Variants in DNAH17 observed in about 807,000 individuals in gnomAD.
DNAH17 encodes the protein dynein axonemal heavy chain 17.
In DNAH17, 376 loss-of-function variants were observed where a neutral mutation model predicts 485.6. The observed-to-expected ratio is 0.77, with a 90% CI of 0.71 to 0.84. DNAH17 has a LOEUF of 0.84. DNAH17 is among the 40% of genes least tolerant of loss of function. The probability of loss-of-function intolerance (pLI) is 0.00; values close to 1 mark genes in which losing one functional copy is unlikely to be tolerated. For missense variants in DNAH17, 6,370 were observed against 5,839.3 expected (o/e 1.09, Z -2.96); for synonymous variants, 3,031 against 2,405.9 (o/e 1.26, Z -7.60).
chr17:78,542,125 C>CCA (rs1316531364), intron 17 of DNAH17, among the ~76,000 whole-genome samples: 6 of 148,186 alleles, frequency 4.0e-5, no homozygotes, highest in African/African-American at 1.3e-4. Flanking sequence ...CCGCCCCCCC[C>CCA]AAAAACTGCC....
At chr17:78,532,909 G>A in intron 19 of DNAH17, 173 bp from the exon 20 acceptor site, 1 of 705,914 alleles carries the variant, frequency 1.4e-6, no homozygotes. Flanking sequence ...TAGGCAACCT[G>A]GTGGTCCCCC....
At chr17:78,516,414 C>G (rs1239949330) in intron 25 of DNAH17, among the ~76,000 whole-genome samples, 1 of 152,142 alleles carries the variant, frequency 6.6e-6, no homozygotes, top group African/African-American at 2.4e-5. Flanking sequence ...AGGCCGGGTG[C>G]GGCGGCTCAC....
rs1354572538 is a variant in DNAH17, at chr17:78,501,783, C to T, written c.5281G>A (p.Val1761Met). 6.2e-7 allele frequency: 1 copy of T among 1,613,840 alleles called. No individual in the cohort carries two copies. The highest frequency in any genetic ancestry group is 1.3e-5 in the African/African-American group (1 of 74,940). The change falls in exon 34 of 81, where the codon GTG (valine) becomes ATG (methionine). Residue 1761 changes from valine to methionine, a missense_variant. Coordinates refer to ENST00000389840, the MANE Select transcript of DNAH17 (RefSeq NM_173628.4). ...MKIMTICTIDVHARDVVAKMI... is the reference protein window; with the variant it reads ...MKIMTICTIDMHARDVVAKMI... Reference sequence around the variant, plus strand: ...TTGGCCACCACGTCCCGTGCGTGCACATCGATGGTGCAGATGGTCATGATC... The same window carrying T: ...TTGGCCACCACGTCCCGTGCGTGCATATCGATGGTGCAGATGGTCATGATC...
At chr17:78,539,417 A>C (rs937058566) in intron 18 of DNAH17, among the ~76,000 whole-genome samples, 10 of 152,030 alleles carry the variant, frequency 6.6e-5, no homozygotes, top group Non-Finnish European at 1.2e-4. Context: ...CCCAATCCAC[A>C]TGAGTAGGGG....
Position 78,445,562 on chromosome 17 carries a change from ATCCCG to A in DNAH17, c.11325_11329del (p.Gly3776GlnfsTer8). ...GTTCAACGTCTAAAGACGAACCTTG[ATCCCG>A]CCCCAGCCTTGATGCTGGAGGAAGT... On this transcript the variant is annotated frameshift_variant, in exon 70 of 81. Coordinates refer to ENST00000389840, the MANE Select transcript of DNAH17 (RefSeq NM_173628.4). LOFTEE classifies it high-confidence loss of function. The A allele has an allele frequency of 6.4e-7, 1 of 1,561,514 alleles. No homozygotes were observed. The highest frequency in any genetic ancestry group is 8.7e-7 in the Non-Finnish European group (1 of 1,152,374).
intron 26 of DNAH17, among the ~76,000 whole-genome samples, chr17:78,514,026 T>A (rs1364901621): frequency 6.6e-6 from 1 of 152,110 alleles, no homozygotes; most frequent in African/African-American, 2.4e-5. Context: ...CTGCCAGTAC[T>A]GTGGGATATT....
intron 30 of DNAH17, among the ~76,000 whole-genome samples, chr17:78,505,756 A>G (rs2090465802): frequency 6.6e-6 from 1 of 152,158 alleles, no homozygotes; most frequent in East Asian, 1.9e-4. Flanking sequence ...AGGCAGGTGG[A>G]TCACCCGAGG....
intron 48 of DNAH17, 125 bp downstream of exon 48, chr17:78,484,743 C>CCCTGCCGCCCCCACCG: frequency 6.8e-6 from 2 of 295,670 alleles, no homozygotes; most frequent in African/African-American, 5.7e-5. Context: ...TGCAGCACCC[C>CCCTGCCGCCCCCACCG]CCCCACCGCC....
At chr17:78,551,153 G>C (rs547237585) in intron 16 of DNAH17, among the ~76,000 whole-genome samples, 1 of 152,216 alleles carries the variant, frequency 6.6e-6, no homozygotes, top group Non-Finnish European at 1.5e-5. Context: ...CACCTAGAAG[G>C]CTAATGAAGG....
At chr17:78,464,447 G>A (rs1474729179) in intron 56 of DNAH17, among the ~76,000 whole-genome samples, 2 of 152,190 alleles carry the variant, frequency 1.3e-5, no homozygotes, top group East Asian at 1.9e-4. Flanking sequence ...TTTTGGTAGA[G>A]ATGGGGTTTC....
chr17:78,481,527 C>T (rs151235931), intron 48 of DNAH17, among the ~76,000 whole-genome samples: 2 of 152,266 alleles, frequency 1.3e-5, no homozygotes, highest in East Asian at 3.9e-4. Flanking sequence ...TTCCCCTAAG[C>T]AGTGCTGGGG....
chr17:78,532,720 T>C lies in DNAH17; in HGVS notation c.2876A>G (p.Asn959Ser). The C allele has an allele frequency of 6.3e-7, 1 of 1,593,092 alleles. No homozygotes were observed. Among genetic ancestry groups the C allele is most frequent in the Non-Finnish European group, 8.6e-7 (1 of 1,168,372 alleles). The change falls in exon 20 of 81, where the codon AAC becomes AGC. Residue 959 changes from asparagine (N) to serine (S), a missense_variant. Coordinates refer to ENST00000389840, the MANE Select transcript of DNAH17 (RefSeq NM_173628.4). ...RMNYKMDLEDNTDLIEMREEV... is the reference protein window; with the variant it reads ...RMNYKMDLEDSTDLIEMREEV... ...CTCCCTCATCTCTATGAGGTCTGTGTTATCTTCCAGGTCCATCTGAAAGGG... is the reference window on the plus strand; with the variant it reads ...CTCCCTCATCTCTATGAGGTCTGTGCTATCTTCCAGGTCCATCTGAAAGGG...
chr17:78,516,313 CACAA>C (rs966325431), intron 25 of DNAH17, among the ~76,000 whole-genome samples: 13 of 152,218 alleles, frequency 8.5e-5, no homozygotes, highest in East Asian at 5.8e-4. Flanking sequence ...CTCCTGTCTA[CACAA>C]ACAATTTTTT....
Position 78,501,243 on chromosome 17 carries a change from C to T in DNAH17, c.5424G>A (p.Gln1808=). The T allele has an allele frequency of 1.2e-6, 2 of 1,607,980 alleles. No individual in the cohort carries two copies. The highest frequency in any genetic ancestry group is 1.7e-6 in the Non-Finnish European group (2 of 1,175,112). ...CFANICDAQI[Q]YSYEYLGNTP... The stretch of plus-strand genomic sequence containing the variant: ...TGTTGCCCAGATACTCATAGGAATA[C>T]TGGATTTGGGCATCGCAGATGTTGG... Residue 1808 remains glutamine, a synonymous_variant, in exon 35 of 81, where the codon CAG becomes CAA. Transcript: ENST00000389840.
In DNAH17 at chr17:78,479,635, AC is replaced by A; in HGVS notation, c.7753-4del. On this transcript the variant is annotated splice_region_variant and splice_polypyrimidine_tract_variant and intron_variant, in intron 49 of 80. Coordinates refer to ENST00000389840, the MANE Select transcript of DNAH17 (RefSeq NM_173628.4). ...ACAGCAAACACGCAGAAATGGCGCT[AC>A]CCCAAAACAACCAAACACTCCAGTC... The A allele has an allele frequency of 6.2e-7, 1 of 1,612,500 alleles. No individual in the cohort carries two copies. The highest frequency in any genetic ancestry group is 8.5e-7 in the Non-Finnish European group (1 of 1,179,714).
At chr17:78,482,019 A>G (rs903118373) in intron 48 of DNAH17, among the ~76,000 whole-genome samples, 1 of 152,108 alleles carries the variant, frequency 6.6e-6, no homozygotes, top group African/African-American at 2.4e-5. Context: ...CATTTCAAAA[A>G]TAAAATAAAA....
chr17:78,493,863 C>T (rs546384959), intron 41 of DNAH17, among the ~76,000 whole-genome samples, 173 bp downstream of exon 41: 278 of 152,308 alleles, frequency 1.8e-3, no homozygotes, highest in African/African-American at 6.6e-3. Context: ...AGCTCCTCCC[C>T]TCCTCCTCGG....
rs2086497823 is a variant in DNAH17, at chr17:78,427,017, T to C, written c.12680A>G (p.Tyr4227Cys). Residue 4227 changes from tyrosine (Y) to cysteine (C), a missense_variant, in exon 78 of 81, where the codon TAC (tyrosine) becomes TGC (cysteine). By Grantham distance (194) the Tyr-to-Cys change is radical (BLOSUM62 -2). Transcript: ENST00000389840. Reference sequence around the variant, plus strand: ...ACATTCTTGAAAGGCGACTACCACGTAGGGGGTCTTTTCCGCTGCCTTTGC... The same window carrying C: ...ACATTCTTGAAAGGCGACTACCACGCAGGGGGTCTTTTCCGCTGCCTTTGC... ...IMAKAAEKTP[Y>C]VVVAFQECER... 2 of 1,608,322 alleles carry C rather than the reference T, an allele frequency of 1.2e-6. No homozygotes were observed. Among genetic ancestry groups the C allele is most frequent in the Non-Finnish European group, 1.7e-6 (2 of 1,177,580 alleles).
Position 78,454,358 on chromosome 17 carries a change from G to A in DNAH17, c.10406+112C>T, listed in dbSNP as rs959124469. On this transcript the variant is annotated intron_variant, in intron 64 of 80. Coordinates refer to ENST00000389840, the MANE Select transcript of DNAH17 (RefSeq NM_173628.4). ...TCCCCAGGCCAGATTTAAAACCTGT[G>A]GGCTAGTACTTGTATTGAAAGACCC... The A allele has an allele frequency of 2.1e-5, 16 of 765,484 alleles. No homozygotes were observed. In the African/African-American group the frequency reaches 2.1e-4, roughly 10 times the overall value. The allele number at this position is 765,484 out of a possible 1,614,324, so 47.4% of individuals were successfully genotyped here. A position where few individuals can be genotyped will look rare whatever the true frequency, so the allele number is the denominator to read the frequency against.
Sources: allele counts gnomAD v4.1 joint callset (sites outside exome capture counted in the v4.1 genomes callset), GRCh38; gene constraint gnomAD v4.1.1; transcripts MANE v1.5; gene names NCBI Gene and HGNC (gene_info 2026-07-23, HGNC 2026-07-21).